Variants in ADARB2 observed in about 807,000 individuals in gnomAD.
The protein encoded by ADARB2 is inactive double-stranded RNA-specific editase B2.
A neutral mutation model predicts 62.2 loss-of-function variants in ADARB2; 25 were observed. The observed-to-expected ratio is 0.40, with a 90% CI of 0.29 to 0.56. The LOEUF is 0.56. ADARB2 is among the 20% of genes least tolerant of loss of function. The pLI is 0.43. For missense variants in ADARB2, 1,071 were observed against 1,077.4 expected, an observed-to-expected ratio of 0.99 and a Z score of 0.08; for synonymous variants, 572 against 500.8, an observed-to-expected ratio of 1.14 and a Z score of -1.90.
chr10:1,335,484 A>C (rs1831965500), intron 3 of ADARB2, among the ~76,000 whole-genome samples: 3 of 91,262 alleles, frequency 3.3e-5, no homozygotes, highest in Non-Finnish European at 4.3e-5. Context: ...GGGTGAAGGA[A>C]TGGGGGAAGG....
chr10:1,715,710 A>G (rs1048309810), intron 1 of ADARB2, among the ~76,000 whole-genome samples: 3 of 152,212 alleles, frequency 2.0e-5, no homozygotes, highest in Non-Finnish European at 4.4e-5. Flanking sequence ...AAAAACAAAA[A>G]CAGGTATTAG....
chr10:1,226,413 A>G (rs1262028119), intron 6 of ADARB2, among the ~76,000 whole-genome samples: 3 of 152,202 alleles, frequency 2.0e-5, no homozygotes, highest in African/African-American at 7.2e-5. Context: ...TGAACTCATC[A>G]AAGTCATTCT....
chr10:1,179,926 C>T lies in ADARB2; in HGVS notation c.*3267G>A, dbSNP rs986754205. 7.0e-6 allele frequency: 1 copy of T among 143,832 alleles called. No homozygotes were observed. The highest frequency in any genetic ancestry group is 1.9e-4 in the East Asian group (1 of 5,180). 8.9% of individuals were successfully genotyped at this position (143,832 alleles called of 1,614,324 possible). On this transcript the variant is annotated 3_prime_UTR_variant, in exon 10 of 10. Transcript: ENST00000381312. ...TTCAGGGTGACAGAAAGTGACCCAT[C>T]CCCTACTTGTGTCGTGCCCAGCGTA...
chr10:1,374,196 C>T (rs1426881381), intron 2 of ADARB2, among the ~76,000 whole-genome samples: 2 of 152,192 alleles, frequency 1.3e-5, no homozygotes, highest in African/African-American at 4.8e-5. Flanking sequence ...CGTATCCTTC[C>T]ACTGTAGAAA....
chr10:1,684,042 T>A (rs185315793), intron 1 of ADARB2, among the ~76,000 whole-genome samples: 20 of 152,336 alleles, frequency 1.3e-4, no homozygotes, highest in African/African-American at 4.8e-4. Context: ...GAGACAATGA[T>A]AAGACCCTCT....
At chr10:1,313,185 G>C (rs922638091) in intron 3 of ADARB2, among the ~76,000 whole-genome samples, 3 of 152,162 alleles carry the variant, frequency 2.0e-5, no homozygotes, top group Non-Finnish European at 2.9e-5. Context: ...TTATCTGTGT[G>C]GGGGAGGGCC....
intron 1 of ADARB2, among the ~76,000 whole-genome samples, chr10:1,562,647 G>T (rs1014919860): frequency 6.6e-6 from 1 of 152,228 alleles, no homozygotes; most frequent in African/African-American, 2.4e-5. Context: ...CACCCCCCTG[G>T]TTGGAATACT....
At chr10:1,193,607 C>G (rs1443330133) in intron 8 of ADARB2, among the ~76,000 whole-genome samples, 1 of 152,158 alleles carries the variant, frequency 6.6e-6, no homozygotes, top group African/African-American at 2.4e-5. Flanking sequence ...TTCTTAAGCC[C>G]AGATAACACA....
chr10:1,613,147 C>G (rs920181698), intron 1 of ADARB2, among the ~76,000 whole-genome samples: 1 of 152,186 alleles, frequency 6.6e-6, no homozygotes, highest in Non-Finnish European at 1.5e-5. Flanking sequence ...GTTACCCTAA[C>G]GTCTCCAGAG....
chr10:1,507,784 G>A (rs1041473238), intron 1 of ADARB2, among the ~76,000 whole-genome samples: 1 of 152,184 alleles, frequency 6.6e-6, no homozygotes, highest in Admixed American at 6.5e-5. Context: ...GGCATACGCA[G>A]CTTTCCTGGC....
chr10:1,559,450 G>A (rs1161847958), intron 1 of ADARB2, among the ~76,000 whole-genome samples: 1 of 152,220 alleles, frequency 6.6e-6, no homozygotes, highest in Non-Finnish European at 1.5e-5. Context: ...CCACTGGGTG[G>A]ACGCCTGTGC....
chr10:1,269,766 A>T (rs1476156206), intron 4 of ADARB2, among the ~76,000 whole-genome samples: 1 of 152,198 alleles, frequency 6.6e-6, no homozygotes, highest in Non-Finnish European at 1.5e-5. Flanking sequence ...TGCCCAGTGT[A>T]TGGCGGTGCC....
intron 1 of ADARB2, among the ~76,000 whole-genome samples, chr10:1,720,035 C>T (rs1030357465): frequency 6.6e-6 from 1 of 152,150 alleles, no homozygotes; most frequent in African/African-American, 2.4e-5. Context: ...ATACCCACCC[C>T]CCACCAAATA....
intron 1 of ADARB2, among the ~76,000 whole-genome samples, chr10:1,437,473 A>C (rs191441161): frequency 2.0e-5 from 3 of 152,356 alleles, no homozygotes; most frequent in East Asian, 1.9e-4. Flanking sequence ...CTTACAGCAG[A>C]CACGCAGCCA....
intron 6 of ADARB2, among the ~76,000 whole-genome samples, chr10:1,233,261 C>T (rs1024950828): frequency 2.0e-5 from 3 of 152,128 alleles, no homozygotes; most frequent in Admixed American, 2.0e-4. Flanking sequence ...CTGGGGAAAC[C>T]CCTTTGCAGG....
chr10:1,241,776 G>A (rs890595400), intron 5 of ADARB2, among the ~76,000 whole-genome samples: 12 of 152,210 alleles, frequency 7.9e-5, no homozygotes, highest in East Asian at 3.9e-4. Context: ...CTGCACTCAC[G>A]TTCTCTGAGG....
rs559654867 is a variant in ADARB2, at chr10:1,382,049, T to A, written c.101-2889A>T. Among the ~76,000 whole-genome samples the A allele has an allele frequency of 7.2e-5, 11 of 152,348 alleles. 1 individual carries two copies. In the South Asian group the frequency reaches 2.3e-3, roughly 32 times the overall value. ...GCTGGTGACAGATGTGTTAATTAATTTTTGGTGATCGTTACCCAATGTATA... is the reference window on the plus strand; with the variant it reads ...GCTGGTGACAGATGTGTTAATTAATATTTGGTGATCGTTACCCAATGTATA... On this transcript the variant is annotated intron_variant, in intron 1 of 9. Coordinates refer to ENST00000381312, the MANE Select transcript of ADARB2 (RefSeq NM_018702.4).
chr10:1,216,778 G>T (rs72762906), intron 7 of ADARB2, 173 bp downstream of exon 7: 4 of 891,842 alleles, frequency 4.5e-6, no homozygotes, highest in South Asian at 1.7e-5. Context: ...TGGCCTCAGG[G>T]TGTGGGACTG....
At chr10:1,495,192 A>G (rs1248183944) in intron 1 of ADARB2, among the ~76,000 whole-genome samples, 1 of 152,206 alleles carries the variant, frequency 6.6e-6, no homozygotes, top group Non-Finnish European at 1.5e-5. Context: ...CTGCTACAAA[A>G]CCAACCTTGC....
Sources: gnomAD v4.1 joint callset for allele counts (sites outside exome capture counted in the v4.1 genomes callset) on GRCh38, gnomAD v4.1.1 for gene constraint, MANE v1.5 for transcripts, NCBI Gene and HGNC (gene_info 2026-07-23, HGNC 2026-07-21) for gene names.